Variants in SRPK1 observed in about 807,000 individuals in gnomAD.
SRPK1 encodes the protein SFRS protein kinase 1.
SRPK1 carries 52 observed loss-of-function variants against 89.5 expected under a neutral mutation model. The observed-to-expected ratio is 0.58, with a 90% CI of 0.46 to 0.73. SRPK1 has a LOEUF of 0.73. SRPK1 is among the 30% of genes least tolerant of loss of function. The probability of loss-of-function intolerance (pLI) is 0.00; values close to 1 mark genes in which losing one functional copy is unlikely to be tolerated. For missense variants in SRPK1, 603 were observed against 780.6 expected (o/e 0.77, Z 2.71); for synonymous variants, 255 against 270.2 (o/e 0.94, Z 0.55).
At chr6:35,896,855 A>G (rs1770635715) in intron 2 of SRPK1, among the ~76,000 whole-genome samples, 1 of 152,236 alleles carries the variant, frequency 6.6e-6, no homozygotes, top group Non-Finnish European at 1.5e-5. Flanking sequence ...GAGCGGATAA[A>G]CAAAATTCAT....
At chr6:35,908,226 G>C (rs1362079120) in intron 2 of SRPK1, among the ~76,000 whole-genome samples, 1 of 152,194 alleles carries the variant, frequency 6.6e-6, no homozygotes, top group Non-Finnish European at 1.5e-5. Flanking sequence ...GAACTGGGTA[G>C]TGGGCAGAGG....
At position 35,870,366 on chromosome 6, in the gene SRPK1, T is replaced by A. The variant is rs769063015; in HGVS notation, c.906A>T (p.Arg302Ser). ...MEKESGPGQK[R>S]PNKQEESESP... ...TCTCTGATTCTTCTTGCTTGTTTGG[T>A]CTTTTTTGCCCAGGGCCCGACTCTT... is the stretch of plus-strand genomic sequence containing the variant. The change falls in exon 10 of 16, where the codon AGA becomes AGT. Residue 302 changes from arginine (R) to serine (S), a missense_variant. By Grantham distance (110) the Arg-to-Ser change is moderately radical. Transcript: ENST00000373825. 6.2e-7 allele frequency: 1 copy of A among 1,610,590 alleles called. No homozygotes were observed. Among genetic ancestry groups the A allele is most frequent in the Non-Finnish European group, 8.5e-7 (1 of 1,178,170 alleles).
intron 3 of SRPK1, among the ~76,000 whole-genome samples, chr6:35,890,267 A>C (rs1363300103): frequency 6.6e-6 from 1 of 152,216 alleles, no homozygotes; most frequent in Non-Finnish European, 1.5e-5. Context: ...AAACAAAACA[A>C]AAAAACCCCC....
At chr6:35,843,619 T>C (rs907641431) in intron 13 of SRPK1, among the ~76,000 whole-genome samples, 1 of 151,894 alleles carries the variant, frequency 6.6e-6, no homozygotes, top group African/African-American at 2.4e-5. Context: ...CCCAGCTAAT[T>C]TTTGTATTTT....
At chr6:35,913,757 C>T (rs1771025627) in intron 2 of SRPK1, among the ~76,000 whole-genome samples, 1 of 149,080 alleles carries the variant, frequency 6.7e-6, no homozygotes, top group South Asian at 2.1e-4. Flanking sequence ...AAGATCATGC[C>T]ACTGTACTCC....
rs991954018 is a variant in SRPK1 at position 35,835,121 on chromosome 6, T to C, written c.*183A>G. ...GGCCAAATTCACCTAGGATGCCCAATGGCTGTGGGGATCTCCACAGGGTCA... is the reference window on the plus strand; with the variant it reads ...GGCCAAATTCACCTAGGATGCCCAACGGCTGTGGGGATCTCCACAGGGTCA... On this transcript the variant is annotated 3_prime_UTR_variant, in exon 16 of 16. Transcript: ENST00000373825. 18 of 526,850 alleles carry C rather than the reference T, an allele frequency of 3.4e-5. No individual in the cohort carries two copies. The highest frequency in any genetic ancestry group is 2.4e-4 in the Admixed American group (7 of 29,624). 32.6% of individuals were successfully genotyped at this position (526,850 alleles called of 1,614,324 possible). A position where few individuals can be genotyped will look rare whatever the true frequency, so the allele number is the denominator to read the frequency against.
At chr6:35,899,551 C>T (rs756757000) in intron 2 of SRPK1, among the ~76,000 whole-genome samples, 7 of 152,146 alleles carry the variant, frequency 4.6e-5, no homozygotes, top group African/African-American at 1.4e-4. Context: ...ATTTCTCTTT[C>T]GTATTTAGTT....
chr6:35,897,358 A>C (rs1207571610), intron 2 of SRPK1, among the ~76,000 whole-genome samples: 1 of 152,238 alleles, frequency 6.6e-6, no homozygotes, highest in Non-Finnish European at 1.5e-5. Context: ...CTGATCAATC[A>C]AAGAATAGCA....
At chr6:35,888,336 T>C (rs944619478) in intron 4 of SRPK1, among the ~76,000 whole-genome samples, 2 of 152,208 alleles carry the variant, frequency 1.3e-5, no homozygotes, top group African/African-American at 4.8e-5. Flanking sequence ...TCTCAGTTGT[T>C]GAACATTTTC....
intron 2 of SRPK1, among the ~76,000 whole-genome samples, chr6:35,916,767 CAGACATAT>C: frequency 6.6e-6 from 1 of 152,274 alleles, no homozygotes; most frequent in East Asian, 1.9e-4. Context: ...ACTTCAAAAA[CAGACATAT>C]AGGTCAGGCA....
At chr6:35,911,619 TAAG>T (rs1770961146) in intron 2 of SRPK1, among the ~76,000 whole-genome samples, 1 of 151,608 alleles carries the variant, frequency 6.6e-6, no homozygotes, top group African/African-American at 2.4e-5. Flanking sequence ...TTTTAAGAGC[TAAG>T]GTCTCACTAT....
intron 6 of SRPK1, among the ~76,000 whole-genome samples, chr6:35,885,596 A>G (rs778311905): frequency 5.9e-5 from 9 of 152,214 alleles, no homozygotes; most frequent in Non-Finnish European, 1.3e-4. Context: ...AAAAAGATCA[A>G]CAGCAATTAG....
chr6:35,869,151 C>T (rs773682413), intron 11 of SRPK1, 41 bp from the exon 12 acceptor site: 4 of 1,484,894 alleles, frequency 2.7e-6, no homozygotes, highest in Admixed American at 3.6e-5. Flanking sequence ...GTTCAATGAA[C>T]AGAGAAATAC....
At chr6:35,878,075 G>T (rs1168920314) in intron 6 of SRPK1, among the ~76,000 whole-genome samples, 1 of 152,134 alleles carries the variant, frequency 6.6e-6, no homozygotes, top group Non-Finnish European at 1.5e-5. Context: ...CTCAAATAGT[G>T]ACCTCCAAAA....
At position 35,835,284 on chromosome 6, in the gene SRPK1, C is replaced by T. The variant is rs1279930465; in HGVS notation, c.*20G>A. The T allele has an allele frequency of 6.2e-7, 1 of 1,606,504 alleles. No individual in the cohort carries two copies. The highest frequency in any genetic ancestry group is 8.5e-7 in the Non-Finnish European group (1 of 1,175,670). On this transcript the variant is annotated 3_prime_UTR_variant, in exon 16 of 16. Transcript: ENST00000373825. ...GCGGAGGGTCAGTGTGTGATCTCTGCTGTGGTGCTGGGCAGGGGCTTAGGA... is the reference window on the plus strand; with the variant it reads ...GCGGAGGGTCAGTGTGTGATCTCTGTTGTGGTGCTGGGCAGGGGCTTAGGA...
chr6:35,900,249 T>C (rs1770713046), intron 2 of SRPK1, among the ~76,000 whole-genome samples: 1 of 152,150 alleles, frequency 6.6e-6, no homozygotes, highest in Non-Finnish European at 1.5e-5. Flanking sequence ...ATGTGTAAAA[T>C]GAAGGCAGAA....
intron 2 of SRPK1, among the ~76,000 whole-genome samples, chr6:35,906,681 G>C (rs1770854497): frequency 6.6e-6 from 1 of 152,208 alleles, no homozygotes; most frequent in South Asian, 2.1e-4. Context: ...CAAGGGGTAT[G>C]ACTGCTAATA....
At chr6:35,890,530 G>C (rs796193286) in intron 3 of SRPK1, among the ~76,000 whole-genome samples, 1 of 152,074 alleles carries the variant, frequency 6.6e-6, no homozygotes, top group Admixed American at 6.5e-5. Context: ...CCATCACTAT[G>C]AGAAAAAAAG....
rs569765395 is a variant in SRPK1 at position 35,905,244 on chromosome 6, C to T, written c.75-14231G>A. ...TAGCTTCTGTTGAAAAAGCTGAAGA[C>T]GTGGTAATAGTGGACCCATCTTCTC... On this transcript the variant is annotated intron_variant, in intron 2 of 15. Transcript: ENST00000373825. Among the ~76,000 whole-genome samples, 367 of 152,192 alleles carry T rather than the reference C, an allele frequency of 2.4e-3. 1 individual carries two copies. Among genetic ancestry groups the T allele is most frequent in the African/African-American group, 7.9e-3 (329 of 41,532 alleles).
Sources: allele counts gnomAD v4.1 joint callset (sites outside exome capture counted in the v4.1 genomes callset), GRCh38; gene constraint gnomAD v4.1.1; transcripts MANE v1.5; gene names NCBI Gene and HGNC (gene_info 2026-07-23, HGNC 2026-07-21).